Variants in GOSR1 observed in about 807,000 individuals in gnomAD.
GOSR1 encodes the protein 28 kDa Golgi SNARE protein.
A neutral mutation model predicts 35.5 loss-of-function variants in GOSR1; 21 were observed. The observed-to-expected ratio is 0.59, with a 90% CI of 0.42 to 0.85. The LOEUF is 0.85. Among genes scored for constraint, GOSR1 ranks in the 40% least tolerant of loss-of-function variants. The probability of loss-of-function intolerance (pLI) is 0.00; values close to 1 mark genes in which losing one functional copy is unlikely to be tolerated. For synonymous variants in GOSR1, 94 were observed against 106.6 expected (o/e 0.88, Z 0.73); for missense variants, 285 against 309.6 (o/e 0.92, Z 0.60).
chr17:30,494,192 AACACACAC>A (rs143873080), intron 6 of GOSR1, among the ~76,000 whole-genome samples: 1 of 150,414 alleles, frequency 6.6e-6, no homozygotes, highest in Non-Finnish European at 1.5e-5. Context: ...GCCATACTTA[AACACACAC>A]ACACACACAC....
intron 6 of GOSR1, among the ~76,000 whole-genome samples, chr17:30,509,235 A>G (rs1312393612): frequency 6.6e-6 from 1 of 151,816 alleles, no homozygotes; most frequent in African/African-American, 2.4e-5. Context: ...TTGGCCTCCC[A>G]AAGTGCTGGG....
intron 6 of GOSR1, among the ~76,000 whole-genome samples, chr17:30,496,335 T>C (rs1466776733): frequency 2.6e-5 from 4 of 152,240 alleles, no homozygotes; most frequent in Non-Finnish European, 5.9e-5. Context: ...TTGCTGTCAA[T>C]AGGCACATCA....
At chr17:30,503,333 G>A (rs190843775) in intron 6 of GOSR1, among the ~76,000 whole-genome samples, 2 of 152,258 alleles carry the variant, frequency 1.3e-5, no homozygotes, top group African/African-American at 2.4e-5. Context: ...TCCTCAGCAC[G>A]ATAACTGGTG....
chr17:30,514,011 T>C lies in GOSR1; in HGVS notation c.539+3102T>C, dbSNP rs771864380. ...CATAGGTTTGAAAGCTGTTACTTTA[T>C]ACAAGACCATAGTATCTACTTGCAA... On this transcript the variant is annotated intron_variant, in intron 7 of 8. Coordinates refer to ENST00000451249, the MANE Select transcript of GOSR1 (RefSeq NM_001007025.2). Among the ~76,000 whole-genome samples the C allele has an allele frequency of 2.0e-5, 3 of 152,276 alleles. No homozygotes were observed. The South Asian group carries it at 6.2e-4, about 31-fold the overall frequency.
intron 4 of GOSR1, among the ~76,000 whole-genome samples, chr17:30,485,702 T>C (rs1914637926): frequency 6.6e-6 from 1 of 152,210 alleles, no homozygotes; most frequent in African/African-American, 2.4e-5. Context: ...AGCAACTATT[T>C]CTAATTTTAA....
Position 30,517,227 on chromosome 17 carries a change from A to G in GOSR1, c.540-2712A>G, listed in dbSNP as rs532315425. On this transcript the variant is annotated intron_variant, in intron 7 of 8. Transcript: ENST00000451249. Reference sequence around the variant, plus strand: ...TTATATATTATCGAAGTACATTTGTATATTATCAAAATGTTCTTATTGTAA... The same window carrying G: ...TTATATATTATCGAAGTACATTTGTGTATTATCAAAATGTTCTTATTGTAA... Among the ~76,000 whole-genome samples the G allele has an allele frequency of 1.1e-4, 16 of 152,288 alleles. No homozygotes were observed. In the South Asian group the frequency reaches 3.3e-3, roughly 32 times the overall value.
At chr17:30,496,010 C>T (rs1966985454) in intron 6 of GOSR1, among the ~76,000 whole-genome samples, 1 of 152,158 alleles carries the variant, frequency 6.6e-6, no homozygotes, top group African/African-American at 2.4e-5. Flanking sequence ...CCCTCTTGAC[C>T]TTCCTGTCTC....
rs368226267 is a variant in GOSR1, at chr17:30,491,799, G to C, written c.435-880G>C. 4.9e-4 allele frequency among the ~76,000 whole-genome samples: 75 copies of C among 152,304 alleles called. 1 individual carries two copies. Among genetic ancestry groups the C allele is most frequent in the African/African-American group, 1.6e-3 (67 of 41,560 alleles). Reference sequence around the variant, plus strand: ...GGCCTCATAGCAATCTTTTGGTTAAGATAGAAATGATCAGTCTCATTTTAC... The same window carrying C: ...GGCCTCATAGCAATCTTTTGGTTAACATAGAAATGATCAGTCTCATTTTAC... On this transcript the variant is annotated intron_variant, in intron 5 of 8. Coordinates refer to ENST00000451249, the MANE Select transcript of GOSR1 (RefSeq NM_001007025.2).
chr17:30,492,842 A>C (rs2143704969), intron 6 of GOSR1, 89 bp downstream of exon 6: 28 of 790,816 alleles, frequency 3.5e-5, no homozygotes, highest in Non-Finnish European at 4.5e-6. Context: ...TGTTTATTAT[A>C]CTGAGTGCCT....
chr17:30,502,129 A>G (rs999664396), intron 6 of GOSR1, among the ~76,000 whole-genome samples: 7 of 152,252 alleles, frequency 4.6e-5, no homozygotes, highest in Non-Finnish European at 8.8e-5. Flanking sequence ...AATTTTAACT[A>G]TATAACATTT....
chr17:30,500,378 T>C (rs1967157182), intron 6 of GOSR1, among the ~76,000 whole-genome samples: 1 of 152,238 alleles, frequency 6.6e-6, no homozygotes, highest in Admixed American at 6.5e-5. Flanking sequence ...AGGTTTATAA[T>C]CCACTTTGGC....
In GOSR1 at chr17:30,522,964, C is replaced by A; in HGVS notation, c.*586C>A. ...CCGAGTGCCTGCAATTGCAGGCGAG[C>A]GCCGCCACGCCTGACTGCCTCGGCC... is the stretch of plus-strand genomic sequence containing the variant. On this transcript the variant is annotated 3_prime_UTR_variant, in exon 9 of 9. Transcript: ENST00000451249. 4.9e-6 allele frequency: 1 copy of A among 204,908 alleles called. No homozygotes were observed. Among genetic ancestry groups the A allele is most frequent in the Non-Finnish European group, 9.6e-6 (1 of 104,172 alleles). 12.7% of individuals were successfully genotyped at this position (204,908 alleles called of 1,614,324 possible). A position where few individuals can be genotyped will look rare whatever the true frequency, so the allele number is the denominator to read the frequency against.
Position 30,481,230 on chromosome 17 carries a change from G to A in GOSR1, c.119G>A (p.Ser40Asn). 6.2e-7 allele frequency: 1 copy of A among 1,606,476 alleles called. No individual in the cohort carries two copies. The highest frequency in any genetic ancestry group is 8.5e-7 in the Non-Finnish European group (1 of 1,173,090). ...FSKLCTSYSH[S>N]STRDGRRDSS... ...AAACTATGTACAAGTTACAGTCATAGCAGTACCCGAGATGGAAGACGCGAC... is the reference window on the plus strand; with the variant it reads ...AAACTATGTACAAGTTACAGTCATAACAGTACCCGAGATGGAAGACGCGAC... The change falls in exon 2 of 9, where the codon AGC becomes AAC. Residue 40 changes from serine to asparagine, a missense_variant. This residue lies in a region of GOSR1 where 108 missense variants were observed against 98.9 expected (regional missense o/e 1.09). Coordinates refer to ENST00000451249, the MANE Select transcript of GOSR1 (RefSeq NM_001007025.2).
intron 7 of GOSR1, among the ~76,000 whole-genome samples, chr17:30,515,383 G>A (rs987250772): frequency 1.3e-5 from 2 of 151,454 alleles, no homozygotes; most frequent in Non-Finnish European, 2.9e-5. Context: ...CATCCTGTGA[G>A]CATAGGGTGG....
intron 3 of GOSR1, 36 bp from the exon 4 acceptor site, chr17:30,484,627 A>G: frequency 3.4e-6 from 4 of 1,192,924 alleles, no homozygotes; most frequent in Middle Eastern, 2.0e-4. Flanking sequence ...GTGCTTAGTA[A>G]AATATTTTGA....
chr17:30,493,734 T>C (rs189225051), intron 6 of GOSR1, among the ~76,000 whole-genome samples: 16 of 152,310 alleles, frequency 1.1e-4, no homozygotes, highest in African/African-American at 3.8e-4. Context: ...TTCTGTAATA[T>C]TTTTTACTCT....
intron 6 of GOSR1, among the ~76,000 whole-genome samples, chr17:30,506,922 A>G (rs1967421948): frequency 6.6e-6 from 1 of 152,206 alleles, no homozygotes; most frequent in Non-Finnish European, 1.5e-5. Context: ...TTGAATAACA[A>G]AGCCTGGAAG....
intron 6 of GOSR1, among the ~76,000 whole-genome samples, chr17:30,494,265 T>G (rs1966908948): frequency 6.6e-6 from 1 of 152,134 alleles, no homozygotes; most frequent in Non-Finnish European, 1.5e-5. Context: ...TCTTTTTATA[T>G]AAAAATAAAT....
At chr17:30,484,332 C>T (rs765970439) in intron 3 of GOSR1, 31 bp downstream of exon 3, 1 of 1,150,194 alleles carries the variant, frequency 8.7e-7, no homozygotes, top group South Asian at 1.2e-5. Flanking sequence ...GGCTATTTTG[C>T]AAATAACTGT....
Sources: gnomAD v4.1 joint callset for allele counts (sites outside exome capture counted in the v4.1 genomes callset) on GRCh38, gnomAD v4.1.1 for gene constraint, gnomAD v4.1.1 regional missense constraint, MANE v1.5 for transcripts, NCBI Gene and HGNC (gene_info 2026-07-23, HGNC 2026-07-21) for gene names.